The following SLC30A8 variants were observed in gnomAD, a reference collection of about 807,000 sequenced individuals.
SLC30A8 encodes solute carrier family 30 member 8, also known as proton-coupled zinc antiporter SLC30A8.
Under a neutral mutation model 36.9 loss-of-function variants are expected in SLC30A8, and 27 were observed. The observed-to-expected ratio is 0.73, with a 90% CI of 0.54 to 1.01. The LOEUF (loss-of-function observed/expected upper bound fraction) is 1.01, where lower values mean the gene tolerates loss of function less well. Among genes scored for constraint, SLC30A8 ranks in the 50% least tolerant of loss-of-function variants. The pLI is 0.00. For synonymous variants in SLC30A8, 164 were observed against 172.4 expected (o/e 0.95, Z 0.38); for missense variants, 439 against 452.0 (o/e 0.97, Z 0.26).
chr8:117,153,196 A>T (rs1822283970), intron 3 of SLC30A8, 106 bp downstream of exon 3: 12 of 1,184,892 alleles, frequency 1.0e-5, no homozygotes, highest in Non-Finnish European at 1.0e-5. Flanking sequence ...GTCCTTAGAG[A>T]CACATTTCTG....
chr8:117,149,695 C>G (rs933370281), intron 2 of SLC30A8, among the ~76,000 whole-genome samples: 1 of 152,190 alleles, frequency 6.6e-6, no homozygotes, highest in Non-Finnish European at 1.5e-5. Flanking sequence ...AGTTCAAACT[C>G]AAGAAAAAAT....
chr8:116,982,967 CTT>C (rs1234871210), intron 1 of SLC30A8, among the ~76,000 whole-genome samples: 2 of 152,032 alleles, frequency 1.3e-5, no homozygotes, highest in African/African-American at 4.8e-5. Flanking sequence ...AACTTTTTCA[CTT>C]TTTAAATATA....
At chr8:117,043,073 G>T (rs1428711014) in intron 2 of SLC30A8, among the ~76,000 whole-genome samples, 1 of 152,190 alleles carries the variant, frequency 6.6e-6, no homozygotes, top group Non-Finnish European at 1.5e-5. Flanking sequence ...AACCCTGCAG[G>T]ATATCAAAGA....
At chr8:117,107,136 T>C (rs1484120243) in intron 2 of SLC30A8, among the ~76,000 whole-genome samples, 18 of 152,180 alleles carry the variant, frequency 1.2e-4, no homozygotes, top group Non-Finnish European at 1.6e-4. Context: ...TCATTTGCAC[T>C]GTGTAAAATA....
chr8:117,154,113 G>GTAATAA, intron 3 of SLC30A8, among the ~76,000 whole-genome samples: 1 of 151,874 alleles, frequency 6.6e-6, no homozygotes, highest in Non-Finnish European at 1.5e-5. Context: ...TAAGTTCTGG[G>GTAATAA]GTACATGTGC....
chr8:117,066,348 G>C (rs750905457), intron 2 of SLC30A8, among the ~76,000 whole-genome samples: 8 of 152,136 alleles, frequency 5.3e-5, no homozygotes, highest in Non-Finnish European at 1.2e-4. Context: ...CTAGTAACTT[G>C]TTCAGAGATT....
At chr8:116,983,679 A>T (rs1232671674) in intron 1 of SLC30A8, among the ~76,000 whole-genome samples, 1 of 151,892 alleles carries the variant, frequency 6.6e-6, no homozygotes, top group Non-Finnish European at 1.5e-5. Context: ...TTCTTAATAT[A>T]TTTTTGGTCT....
intron 6 of SLC30A8, among the ~76,000 whole-genome samples, chr8:117,166,840 A>C (rs2129721360): frequency 7.2e-6 from 1 of 137,936 alleles, no homozygotes; most frequent in East Asian, 2.2e-4. Flanking sequence ...AGTTGCCTTC[A>C]GTGACAGCTC....
At position 117,128,145 on chromosome 8, in the gene SLC30A8, GT is replaced by G. The variant is rs371634610; in HGVS notation, c.-225-7131del. ...TAGGGCTCCTTGCTTTCTTCTTTCA[GT>G]TTTCTCCCAATGAAAAACCACTTCT... On this transcript the variant is annotated intron_variant, in intron 2 of 10. Transcript: ENST00000427715. 4.3e-3 allele frequency among the ~76,000 whole-genome samples: 652 copies of G among 152,088 alleles called. 4 individuals carry two copies. Among genetic ancestry groups the G allele is most frequent in the African/African-American group, 0.015 (626 of 41,520 alleles).
At chr8:117,090,864 C>T (rs1216230326) in intron 2 of SLC30A8, among the ~76,000 whole-genome samples, 1 of 152,116 alleles carries the variant, frequency 6.6e-6, no homozygotes. Flanking sequence ...TCCCACTAGA[C>T]TTAGAGTACC....
At chr8:116,973,232 C>T (rs369119288) in intron 1 of SLC30A8, among the ~76,000 whole-genome samples, 6 of 152,114 alleles carry the variant, frequency 3.9e-5, no homozygotes, top group Admixed American at 1.3e-4. Flanking sequence ...TATAAGCCAC[C>T]GAGTTTGTGG....
intron 1 of SLC30A8, among the ~76,000 whole-genome samples, chr8:117,010,935 C>T (rs1292280908): frequency 3.3e-5 from 5 of 152,176 alleles, no homozygotes; most frequent in African/African-American, 9.7e-5. Flanking sequence ...CCCCCGTGAT[C>T]CAATCACCTT....
chr8:117,088,474 A>C (rs569608780), intron 2 of SLC30A8, among the ~76,000 whole-genome samples: 3 of 152,208 alleles, frequency 2.0e-5, no homozygotes, highest in African/African-American at 7.2e-5. Flanking sequence ...ACCTGCCGAG[A>C]GCTGCTACTT....
chr8:117,121,990 T>C (rs897211176), intron 2 of SLC30A8, among the ~76,000 whole-genome samples: 1 of 151,916 alleles, frequency 6.6e-6, no homozygotes, highest in Non-Finnish European at 1.5e-5. Flanking sequence ...TTTTTCACAA[T>C]AAAAAACATA....
At chr8:117,074,355 A>G (rs759050009) in intron 2 of SLC30A8, among the ~76,000 whole-genome samples, 3 of 152,090 alleles carry the variant, frequency 2.0e-5, no homozygotes, top group African/African-American at 4.8e-5. Flanking sequence ...TCTAGCATAG[A>G]CTCATGAATT....
chr8:117,031,420 G>A lies in SLC30A8; in HGVS notation c.-265-7799G>A, dbSNP rs566776674. ...AAATTCAGAGAAATGCCGTTCTAAA[G>A]TCTTGAATTCTTCTTCTTCTTCTTT... On this transcript the variant is annotated intron_variant, in intron 1 of 10. Transcript: ENST00000427715. Among the ~76,000 whole-genome samples, 6 of 151,690 alleles carry A rather than the reference G, an allele frequency of 4.0e-5. 1 individual carries two copies. The South Asian group carries it at 1.3e-3, about 32-fold the overall frequency.
chr8:117,032,116 C>T (rs1236122913), intron 1 of SLC30A8, among the ~76,000 whole-genome samples: 2 of 152,040 alleles, frequency 1.3e-5, no homozygotes, highest in African/African-American at 4.8e-5. Flanking sequence ...CATTCCTACG[C>T]ATGCTTTGTG....
chr8:116,961,791 C>CT lies in SLC30A8; in HGVS notation c.-266+10679dup, dbSNP rs966812476. Among the ~76,000 whole-genome samples, 2 of 151,832 alleles carry CT rather than the reference C, an allele frequency of 1.3e-5. 1 individual carries two copies. The highest frequency in any genetic ancestry group is 2.9e-5 in the Non-Finnish European group (2 of 67,920). On this transcript the variant is annotated intron_variant, in intron 1 of 10. Transcript: ENST00000427715. ...GAGAGAGCACCTACTTCCATGAGCCCTTTTTTTGTGTCGCTCAGACTAGAG... is the reference window on the plus strand; with the variant it reads ...GAGAGAGCACCTACTTCCATGAGCCCTTTTTTTTGTGTCGCTCAGACTAGAG...
intron 1 of SLC30A8, among the ~76,000 whole-genome samples, chr8:117,142,484 G>A (rs573593001): frequency 1.7e-4 from 26 of 152,232 alleles, no homozygotes; most frequent in African/African-American, 6.0e-4. Flanking sequence ...ATAATGGCCT[G>A]AAGTGTTCTG....
Sources: allele counts gnomAD v4.1 joint callset (sites outside exome capture counted in the v4.1 genomes callset), GRCh38; gene constraint gnomAD v4.1.1; transcripts MANE v1.5; gene names NCBI Gene and HGNC (gene_info 2026-07-23, HGNC 2026-07-21).